Variants in MAP3K7CL observed in about 807,000 individuals in gnomAD.
MAP3K7CL encodes MAP3K7 C-terminal-like protein.
Under a neutral mutation model 18.6 loss-of-function variants are expected in MAP3K7CL, and 16 were observed. The observed-to-expected ratio is 0.86, with a 90% confidence interval of 0.58 to 1.31. The LOEUF (loss-of-function observed/expected upper bound fraction) is 1.31, where lower values mean the gene tolerates loss of function less well. Ranked by LOEUF, MAP3K7CL falls within the 50% of genes most tolerant of loss-of-function variation. MAP3K7CL has a pLI of 0.00. For missense variants in MAP3K7CL, 163 were observed against 174.4 expected, an observed-to-expected ratio of 0.93 and a Z score of 0.37; for synonymous variants, 65 against 66.8, an observed-to-expected ratio of 0.97 and a Z score of 0.13.
intron 1 of MAP3K7CL, chr21:29,131,193 C>A (rs187582398): frequency 6.6e-6 from 1 of 152,430 alleles, no homozygotes; most frequent in East Asian, 1.9e-4. Context: ...TTATTAATTC[C>A]ATTTCCTGTA....
At chr21:29,107,095 A>G (rs1312926930) in intron 4 of MAP3K7CL, among the ~76,000 whole-genome samples, 1 of 152,128 alleles carries the variant, frequency 6.6e-6, no homozygotes, top group Admixed American at 6.6e-5. Context: ...AGGCGGGTGG[A>G]TCATGAGGTC....
At chr21:29,132,470 C>T (rs557025590) in intron 1 of MAP3K7CL, among the ~76,000 whole-genome samples, 18 of 152,090 alleles carry the variant, frequency 1.2e-4, no homozygotes, top group Non-Finnish European at 2.2e-4. Context: ...ATATGATATT[C>T]ATCATATAAC....
Position 29,160,016 on chromosome 21 carries a change from C to A in MAP3K7CL, c.208C>A (p.His70Asn). The A allele has an allele frequency of 6.2e-7, 1 of 1,613,938 alleles. No individual in the cohort carries two copies. Among genetic ancestry groups the A allele is most frequent in the South Asian group, 1.1e-5 (1 of 91,070 alleles). Residue 70 changes from histidine to asparagine, a missense_variant, in exon 4 of 5, where the codon CAT (histidine) becomes AAT (asparagine). By Grantham distance (68) the His-to-Asn change is moderately conservative (BLOSUM62 1). Coordinates refer to ENST00000399928, the MANE Select transcript of MAP3K7CL (RefSeq NM_001286620.2). ...KQHCQIAEEY[H>N]EVKKEITLLE... ...GCACTGCCAAATAGCAGAAGAATAC[C>A]ATGAGGTCAAAAAGGAAATCACCCT...
chr21:29,114,201 T>C (rs955100620), intron 4 of MAP3K7CL, among the ~76,000 whole-genome samples: 8 of 151,726 alleles, frequency 5.3e-5, no homozygotes, highest in African/African-American at 1.9e-4. Context: ...CCCAAGTAGC[T>C]GGGACTACAG....
At chr21:29,147,124 G>C (rs1173347591) in intron 2 of MAP3K7CL, among the ~76,000 whole-genome samples, 1 of 151,930 alleles carries the variant, frequency 6.6e-6, no homozygotes, top group Non-Finnish European at 1.5e-5. Flanking sequence ...AATAGCTTTG[G>C]TTTTTAAATT....
At chr21:29,164,778 G>A (rs760844488) in intron 4 of MAP3K7CL, among the ~76,000 whole-genome samples, 1 of 152,162 alleles carries the variant, frequency 6.6e-6, no homozygotes, top group Admixed American at 6.5e-5. Flanking sequence ...TGTGAAAAAG[G>A]TGGGAAGGAC....
At chr21:29,089,097 G>A (rs2085974848) in intron 1 of MAP3K7CL, among the ~76,000 whole-genome samples, 1 of 144,424 alleles carries the variant, frequency 6.9e-6, no homozygotes, top group Admixed American at 7.2e-5. Context: ...TTGTACCCAG[G>A]AGGGAGAGGT....
At chr21:29,145,060 T>C (rs2087096889) in intron 2 of MAP3K7CL, among the ~76,000 whole-genome samples, 1 of 152,220 alleles carries the variant, frequency 6.6e-6, no homozygotes, top group African/African-American at 2.4e-5. Flanking sequence ...TTAAAAAATT[T>C]CTTAGGATAC....
At chr21:29,139,223 A>T (rs975677366) in intron 2 of MAP3K7CL, 2 of 152,212 alleles carry the variant, frequency 1.3e-5, no homozygotes, top group African/African-American at 4.8e-5. Flanking sequence ...TGTACTTCTA[A>T]AACTGGCTCT....
At chr21:29,081,022 C>A (rs1365166113), upstream of MAP3K7CL, among the ~76,000 whole-genome samples, 3 of 151,890 alleles carry the variant, frequency 2.0e-5, no homozygotes, top group Non-Finnish European at 4.4e-5. Flanking sequence ...TTGTGGCTCG[C>A]CCAGACTTGG....
intron 4 of MAP3K7CL, among the ~76,000 whole-genome samples, chr21:29,099,552 C>T (rs968330461): frequency 1.3e-5 from 2 of 152,142 alleles, no homozygotes; most frequent in Admixed American, 6.5e-5. Context: ...GTTGTTATTA[C>T]GCCCTTCCCC....
intron 4 of MAP3K7CL, among the ~76,000 whole-genome samples, chr21:29,112,844 A>G (rs568591058): frequency 1.5e-4 from 22 of 148,840 alleles, no homozygotes; most frequent in African/African-American, 5.2e-4. Context: ...TTTTTTTGAG[A>G]TGGAGTCTCA....
At chr21:29,141,915 G>A (rs1181009115) in intron 2 of MAP3K7CL, among the ~76,000 whole-genome samples, 1 of 151,922 alleles carries the variant, frequency 6.6e-6, no homozygotes, top group Non-Finnish European at 1.5e-5. Flanking sequence ...GATATATTGG[G>A]AATGTGCATT....
At chr21:29,097,678 C>T (rs1287349690) in intron 4 of MAP3K7CL, among the ~76,000 whole-genome samples, 1 of 151,950 alleles carries the variant, frequency 6.6e-6, no homozygotes, top group Non-Finnish European at 1.5e-5. Flanking sequence ...ATTGATTTCA[C>T]ATAAATTAAG....
chr21:29,105,141 C>G (rs1206940692), intron 4 of MAP3K7CL, among the ~76,000 whole-genome samples: 1 of 152,184 alleles, frequency 6.6e-6, no homozygotes, highest in African/African-American at 2.4e-5. Flanking sequence ...ATCTAATCAC[C>G]AATCATTCTC....
At chr21:29,147,553 A>G (rs893573170) in intron 2 of MAP3K7CL, among the ~76,000 whole-genome samples, 1 of 151,666 alleles carries the variant, frequency 6.6e-6, no homozygotes, top group East Asian at 1.9e-4. Flanking sequence ...TGTGTACTGT[A>G]TCTGTATTGT....
chr21:29,109,609 C>A, intron 4 of MAP3K7CL: 3 of 999,218 alleles, frequency 3.0e-6, no homozygotes, highest in Non-Finnish European at 3.6e-6. Flanking sequence ...CACATTATTC[C>A]CCTCGTCACA....
chr21:29,114,704 T>C (rs1300133089), intron 4 of MAP3K7CL, among the ~76,000 whole-genome samples: 1 of 152,168 alleles, frequency 6.6e-6, no homozygotes, highest in African/African-American at 2.4e-5. Context: ...ATTTTTAAAA[T>C]TCAAAAGCAG....
chr21:29,114,975 A>G (rs1295618838), intron 4 of MAP3K7CL, among the ~76,000 whole-genome samples: 5 of 152,224 alleles, frequency 3.3e-5, no homozygotes, highest in African/African-American at 4.8e-5. Context: ...CAGAGCCCTG[A>G]GGAAATCTTG....
Sources: allele counts gnomAD v4.1 joint callset (sites outside exome capture counted in the v4.1 genomes callset), GRCh38; gene constraint gnomAD v4.1.1; transcripts MANE v1.5; gene names NCBI Gene and HGNC (gene_info 2026-07-23, HGNC 2026-07-21).